The following SPRED1 variants were observed in gnomAD, a reference collection of about 807,000 sequenced individuals.
SPRED1 encodes sprouty-related, EVH1 domain-containing protein 1.
In SPRED1, 18 loss-of-function variants were observed where a neutral mutation model predicts 52.3. The ratio of observed to expected loss-of-function variants is 0.34; its 90% confidence interval spans 0.24 to 0.51. The LOEUF is 0.51. Ranked by LOEUF, SPRED1 falls within the 20% of genes least tolerant of loss-of-function variation. SPRED1 has a pLI of 0.97. For missense variants in SPRED1, 485 were observed against 551.0 expected, an observed-to-expected ratio of 0.88 and a Z score of 1.20; for synonymous variants, 155 against 179.7, an observed-to-expected ratio of 0.86 and a Z score of 1.10.
At chr15:38,335,945 C>T (rs1301839872) in intron 4 of SPRED1, among the ~76,000 whole-genome samples, 5 of 151,776 alleles carry the variant, frequency 3.3e-5, no homozygotes, top group African/African-American at 1.2e-4. Context: ...GTATGCAGTA[C>T]CTTGATTTTA....
chr15:38,282,327 ACACACACACACACACATG>A (rs1176792403), intron 1 of SPRED1, among the ~76,000 whole-genome samples: 3 of 48,752 alleles, frequency 6.2e-5, no homozygotes, highest in Admixed American at 1.9e-4. Context: ...ATACACACAC[ACACACACACACACACATG>A]CACACACACA....
intron 1 of SPRED1, among the ~76,000 whole-genome samples, chr15:38,264,819 A>G (rs1894274341): frequency 6.6e-6 from 1 of 152,160 alleles, no homozygotes; most frequent in South Asian, 2.1e-4. Context: ...AGCTGGGAAG[A>G]TTTGAGAGTA....
At chr15:38,336,859 A>G (rs1411450086) in intron 4 of SPRED1, among the ~76,000 whole-genome samples, 1 of 152,142 alleles carries the variant, frequency 6.6e-6, no homozygotes, top group Admixed American at 6.6e-5. Flanking sequence ...TGATGGGTGC[A>G]CCACAATCTC....
At chr15:38,272,259 T>C (rs1894450693) in intron 1 of SPRED1, among the ~76,000 whole-genome samples, 1 of 117,900 alleles carries the variant, frequency 8.5e-6, no homozygotes, top group Admixed American at 9.6e-5. Flanking sequence ...AATGAGATTG[T>C]AGGGGTCGAA....
At chr15:38,343,470 G>A (rs1358927266) in intron 5 of SPRED1, among the ~76,000 whole-genome samples, 1 of 152,158 alleles carries the variant, frequency 6.6e-6, no homozygotes, top group Admixed American at 6.6e-5. Context: ...ATTTTCCAAG[G>A]TGGAAGTGAA....
At chr15:38,337,145 T>A (rs2141005739) in intron 4 of SPRED1, among the ~76,000 whole-genome samples, 1 of 152,302 alleles carries the variant, frequency 6.6e-6, no homozygotes, top group Non-Finnish European at 1.5e-5. Context: ...TGTTCCAGAT[T>A]TTATTTTACT....
intron 1 of SPRED1, among the ~76,000 whole-genome samples, chr15:38,281,914 G>A (rs1894698947): frequency 6.6e-6 from 1 of 152,122 alleles, no homozygotes; most frequent in African/African-American, 2.4e-5. Context: ...ATTTCTAGAT[G>A]TAAAGTCGAT....
chr15:38,341,892 C>A (rs530310706), intron 5 of SPRED1, among the ~76,000 whole-genome samples: 2 of 152,084 alleles, frequency 1.3e-5, no homozygotes, highest in African/African-American at 4.8e-5. Context: ...TCTGGTAATA[C>A]TTCTTGCCTA....
intron 1 of SPRED1, among the ~76,000 whole-genome samples, chr15:38,274,907 T>C (rs1380131306): frequency 6.6e-6 from 1 of 152,256 alleles, no homozygotes; most frequent in Non-Finnish European, 1.5e-5. Context: ...GGTGTTGATA[T>C]ATCCCATTAC....
chr15:38,308,384 G>T (rs191867639), intron 2 of SPRED1, among the ~76,000 whole-genome samples: 2 of 152,112 alleles, frequency 1.3e-5, no homozygotes, highest in African/African-American at 4.8e-5. Flanking sequence ...TCATTTTTGT[G>T]TGTATTTTAT....
chr15:38,336,758 G>T (rs1207296646), intron 4 of SPRED1, among the ~76,000 whole-genome samples: 1 of 151,904 alleles, frequency 6.6e-6, no homozygotes, highest in Non-Finnish European at 1.5e-5. Flanking sequence ...AAAGGCATAA[G>T]AATGATATGT....
At chr15:38,310,644 T>C (rs1488924134) in intron 2 of SPRED1, among the ~76,000 whole-genome samples, 4 of 152,240 alleles carry the variant, frequency 2.6e-5, no homozygotes, top group Admixed American at 6.5e-5. Flanking sequence ...TTTCAACACA[T>C]AGATCTTATA....
chr15:38,299,899 A>G (rs1462957146), intron 2 of SPRED1, among the ~76,000 whole-genome samples: 5 of 152,254 alleles, frequency 3.3e-5, no homozygotes, highest in East Asian at 1.9e-4. Flanking sequence ...AAGCCCACCA[A>G]TTGTTTTTAT....
chr15:38,255,522 AAAT>A (rs1894076955), intron 1 of SPRED1, among the ~76,000 whole-genome samples: 1 of 152,182 alleles, frequency 6.6e-6, no homozygotes, highest in Non-Finnish European at 1.5e-5. Flanking sequence ...TTATATTAGA[AAAT>A]AATGTGTTCA....
intron 4 of SPRED1, among the ~76,000 whole-genome samples, chr15:38,325,797 T>A (rs1281265964): frequency 1.3e-5 from 2 of 152,184 alleles, no homozygotes; most frequent in Non-Finnish European, 1.5e-5. Context: ...TGACCAGTTG[T>A]GGCATGTTTT....
At chr15:38,261,740 CTT>C (rs1295896005) in intron 1 of SPRED1, among the ~76,000 whole-genome samples, 1 of 152,058 alleles carries the variant, frequency 6.6e-6, no homozygotes, top group Admixed American at 6.6e-5. Context: ...GAATGTAATT[CTT>C]TTTCCTGGTA....
At chr15:38,305,680 T>C (rs1398497397) in intron 2 of SPRED1, among the ~76,000 whole-genome samples, 1 of 152,098 alleles carries the variant, frequency 6.6e-6, no homozygotes, top group Non-Finnish European at 1.5e-5. Flanking sequence ...GTAGGTAACA[T>C]TCGTGTGAAG....
chr15:38,350,926 C>T, intron 6 of SPRED1, 88 bp from the exon 7 acceptor site: 2 of 1,278,534 alleles, frequency 1.6e-6, no homozygotes, highest in Non-Finnish European at 2.2e-6. Flanking sequence ...AATATTTCAA[C>T]AAATATCTGG....
intron 2 of SPRED1, among the ~76,000 whole-genome samples, chr15:38,319,756 A>G (rs1428074770): frequency 2.0e-5 from 3 of 152,370 alleles, no homozygotes; most frequent in Middle Eastern, 3.4e-3. Flanking sequence ...TGCATTGCCT[A>G]TAAACGGGCA....
Sources: gnomAD v4.1 joint callset for allele counts (sites outside exome capture counted in the v4.1 genomes callset) on GRCh38, gnomAD v4.1.1 for gene constraint, MANE v1.5 for transcripts, NCBI Gene and HGNC (gene_info 2026-07-23, HGNC 2026-07-21) for gene names.